The following KCNK1 variants were observed in gnomAD, a reference collection of about 807,000 sequenced individuals.
The protein encoded by KCNK1 is potassium channel subfamily K member 1.
In KCNK1, 10 loss-of-function variants were observed where a neutral mutation model predicts 22.2. The observed-to-expected ratio is 0.45, with a 90% confidence interval of 0.28 to 0.76. The LOEUF is 0.76. Ranked by LOEUF, KCNK1 falls within the 30% of genes least tolerant of loss-of-function variation. The pLI, the probability that KCNK1 is intolerant of heterozygous loss-of-function variation, is 0.14. For missense variants in KCNK1, 378 were observed against 421.0 expected, an observed-to-expected ratio of 0.90 and a Z score of 0.89; for synonymous variants, 200 against 186.4, an observed-to-expected ratio of 1.07 and a Z score of -0.60.
rs202128086 is a variant in KCNK1 at position 233,614,293 on chromosome 1, T to C, written c.122T>C (p.Phe41Ser). 6.2e-7 allele frequency: 1 copy of C among 1,613,278 alleles called. No homozygotes were observed. Among genetic ancestry groups the C allele is most frequent in the Non-Finnish European group, 8.5e-7 (1 of 1,179,820 alleles). The change falls in exon 1 of 3, where the codon TTC becomes TCC. Residue 41 changes from phenylalanine (F) to serine (S), a missense_variant. By Grantham distance (155) the Phe-to-Ser change is radical. Coordinates refer to ENST00000366621, the MANE Select transcript of KCNK1 (RefSeq NM_002245.4). ...LLYLVFGAVV[F>S]SSVELPYEDL... ...TACCTGGTCTTCGGCGCAGTGGTCTTCTCCTCGGTGGAGCTGCCCTATGAG... is the reference window on the plus strand; with the variant it reads ...TACCTGGTCTTCGGCGCAGTGGTCTCCTCCTCGGTGGAGCTGCCCTATGAG...
chr1:233,617,000 G>A (rs13375370), intron 1 of KCNK1, among the ~76,000 whole-genome samples: 3,801 of 151,954 alleles, frequency 0.025, 146 homozygotes, highest in African/African-American at 0.086. Context: ...AATAAAATGA[G>A]TTGCAATCGC....
intron 2 of KCNK1, among the ~76,000 whole-genome samples, chr1:233,667,724 C>T (rs1284652803): frequency 1.2e-5 from 1 of 81,106 alleles, no homozygotes; most frequent in African/African-American, 4.2e-5. Flanking sequence ...AGCGAGACTC[C>T]GTCTCAAAAA....
intron 1 of KCNK1, among the ~76,000 whole-genome samples, chr1:233,646,327 A>C (rs1171536283): frequency 6.6e-6 from 1 of 152,144 alleles, no homozygotes; most frequent in Non-Finnish European, 1.5e-5. Context: ...TGAAATCTCT[A>C]AAGTATTTAA....
At chr1:233,637,081 A>G (rs1299901676) in intron 1 of KCNK1, among the ~76,000 whole-genome samples, 1 of 151,726 alleles carries the variant, frequency 6.6e-6, no homozygotes. Context: ...CTGTAGTCCC[A>G]GCTACTTGGG....
At chr1:233,620,788 A>G (rs1007300191) in intron 1 of KCNK1, among the ~76,000 whole-genome samples, 2 of 152,100 alleles carry the variant, frequency 1.3e-5, no homozygotes, top group Non-Finnish European at 1.5e-5. Context: ...AGGCACAGCT[A>G]TGGGGAAATA....
intron 1 of KCNK1, chr1:233,636,384 G>C (rs1009962766): frequency 1.3e-5 from 2 of 152,254 alleles, no homozygotes; most frequent in Non-Finnish European, 2.9e-5. Flanking sequence ...AGGAGAGTGA[G>C]AGTTGGTGGA....
Position 233,671,305 on chromosome 1 carries a change from A to T in KCNK1, c.786A>T (p.Val262=), listed in dbSNP as rs2102914497. 6.2e-7 allele frequency: 1 copy of T among 1,614,170 alleles called. No individual in the cohort carries two copies. Residue 262 remains valine (V), a synonymous_variant, in exon 3 of 3, where the codon GTA becomes GTT. Transcript: ENST00000366621. The part of the protein sequence containing the change: ...YLLLGLIAML[V]VLETFCELHE... ...TACTTGGCCTTATTGCCATGTTGGT[A>T]GTTCTGGAAACCTTCTGTGAACTCC...
At position 233,639,860 on chromosome 1, in the gene KCNK1, A is replaced by G. The variant is rs547989164; in HGVS notation, c.355+25334A>G. On this transcript the variant is annotated intron_variant, in intron 1 of 2. Coordinates refer to ENST00000366621, the MANE Select transcript of KCNK1 (RefSeq NM_002245.4). Reference sequence around the variant, plus strand: ...CCTTCTTACACATGAGCCACGTCAGAACACACCTGGTGGGACTCCTCTGTG... The same window carrying G: ...CCTTCTTACACATGAGCCACGTCAGGACACACCTGGTGGGACTCCTCTGTG... Among the ~76,000 whole-genome samples the G allele has an allele frequency of 3.9e-5, 6 of 152,324 alleles. No individual in the cohort carries two copies. In the East Asian group the frequency reaches 1.2e-3, roughly 29 times the overall value.
At chr1:233,655,315 C>T (rs1367146602) in intron 1 of KCNK1, among the ~76,000 whole-genome samples, 1 of 152,166 alleles carries the variant, frequency 6.6e-6, no homozygotes, top group Admixed American at 6.5e-5. Flanking sequence ...CACAGGCTCA[C>T]AGCTGGAGGG....
chr1:233,666,684 C>T lies in KCNK1; in HGVS notation c.445C>T (p.Leu149=). 1 of 1,614,182 alleles carries T rather than the reference C, an allele frequency of 6.2e-7. No individual in the cohort carries two copies. The highest frequency in any genetic ancestry group is 8.5e-7 in the Non-Finnish European group (1 of 1,180,036). Residue 149 remains leucine, a synonymous_variant, in exon 2 of 3, where the codon CTG becomes TTG. Transcript: ENST00000366621. ...VIGIPFTLLF[L]TAVVQRITVH... Reference sequence around the variant, plus strand: ...TGGCATTCCCTTCACCCTCCTGTTCCTGACGGCTGTGGTCCAGCGCATCAC... The same window carrying T: ...TGGCATTCCCTTCACCCTCCTGTTCTTGACGGCTGTGGTCCAGCGCATCAC...
At chr1:233,632,079 G>A (rs1300379231) in intron 1 of KCNK1, among the ~76,000 whole-genome samples, 1 of 152,204 alleles carries the variant, frequency 6.6e-6, no homozygotes, top group African/African-American at 2.4e-5. Context: ...TGTGCTTACT[G>A]GAACAGGAAA....
intron 1 of KCNK1, among the ~76,000 whole-genome samples, chr1:233,645,432 A>G (rs1280231161): frequency 6.6e-6 from 1 of 152,176 alleles, no homozygotes; most frequent in African/African-American, 2.4e-5. Flanking sequence ...GTATTCTTAT[A>G]AAAGACAGAA....
At chr1:233,668,281 C>G (rs2102912573) in intron 2 of KCNK1, among the ~76,000 whole-genome samples, 1 of 152,294 alleles carries the variant, frequency 6.6e-6, no homozygotes, top group South Asian at 2.1e-4. Flanking sequence ...TGTCTTGGCC[C>G]TGTCTTGTAA....
intron 1 of KCNK1, among the ~76,000 whole-genome samples, chr1:233,648,871 A>G (rs958020817): frequency 1.3e-5 from 2 of 152,104 alleles, no homozygotes; most frequent in African/African-American, 2.4e-5. Flanking sequence ...CTGGCCAACA[A>G]AGGTCTATTT....
chr1:233,638,300 T>A (rs1019746261), intron 1 of KCNK1, among the ~76,000 whole-genome samples: 6 of 151,650 alleles, frequency 4.0e-5, no homozygotes, highest in Non-Finnish European at 8.8e-5. Flanking sequence ...GATGGTTTTA[T>A]CAGGAAAAAA....
In KCNK1 at chr1:233,671,364, T is replaced by C. The variant is rs1658593697; in HGVS notation, c.845T>C (p.Val282Ala). The C allele has an allele frequency of 6.2e-7, 1 of 1,614,106 alleles. No homozygotes were observed. Among genetic ancestry groups the C allele is most frequent in the Non-Finnish European group, 8.5e-7 (1 of 1,180,042 alleles). Reference protein sequence around the residue: ...ELKKFRKMFYVKKDKDEDQVH... With the variant: ...ELKKFRKMFYAKKDKDEDQVH... ...AAAAAATTCAGAAAAATGTTCTATG[T>C]GAAGAAGGACAAGGACGAGGATCAG... Residue 282 changes from valine to alanine, a missense_variant, in exon 3 of 3, where the codon GTG becomes GCG. By Grantham distance (64) the Val-to-Ala change is moderately conservative (BLOSUM62 0). Coordinates refer to ENST00000366621, the MANE Select transcript of KCNK1 (RefSeq NM_002245.4).
chr1:233,666,683 C>A lies in KCNK1; in HGVS notation c.444C>A (p.Phe148Leu), dbSNP rs1474754423. Residue 148 changes from phenylalanine (F) to leucine (L), a missense_variant, in exon 2 of 3, where the codon TTC becomes TTA. Physicochemically the swap from Phe to Leu is conservative, Grantham distance 22. Coordinates refer to ENST00000366621, the MANE Select transcript of KCNK1 (RefSeq NM_002245.4). ...SVIGIPFTLLFLTAVVQRITV... is the reference protein window; with the variant it reads ...SVIGIPFTLLLLTAVVQRITV... ...TTGGCATTCCCTTCACCCTCCTGTT[C>A]CTGACGGCTGTGGTCCAGCGCATCA... The A allele has an allele frequency of 3.7e-6, 6 of 1,614,166 alleles. No homozygotes were observed. Among genetic ancestry groups the A allele is most frequent in the Non-Finnish European group, 4.2e-6 (5 of 1,180,042 alleles).
intron 1 of KCNK1, chr1:233,655,799 A>C (rs1658281313): frequency 6.5e-6 from 1 of 152,750 alleles, no homozygotes; most frequent in Non-Finnish European, 1.5e-5. Flanking sequence ...AGCCACTAAA[A>C]CTGTGAGAAA....
At chr1:233,660,974 C>T (rs1437768388) in intron 1 of KCNK1, among the ~76,000 whole-genome samples, 1 of 152,106 alleles carries the variant, frequency 6.6e-6, no homozygotes, top group African/African-American at 2.4e-5. Context: ...TCTAAACTCT[C>T]AAATACTCAG....
Sources: allele counts gnomAD v4.1 joint callset (sites outside exome capture counted in the v4.1 genomes callset), GRCh38; gene constraint gnomAD v4.1.1; transcripts MANE v1.5; gene names NCBI Gene and HGNC (gene_info 2026-07-23, HGNC 2026-07-21).